SDK1: variants seen among roughly 807,000 people sequenced by gnomAD.
The protein encoded by SDK1 is protein sidekick-1.
SDK1 carries 157 observed loss-of-function variants against 245.5 expected under a neutral mutation model. The ratio of observed to expected loss-of-function variants is 0.64; its 90% CI spans 0.56 to 0.73. SDK1 has a LOEUF of 0.73. SDK1 is among the 30% of genes least tolerant of loss of function. SDK1 has a pLI of 0.00. For missense variants in SDK1, 3,583 were observed against 3,002.3 expected (o/e 1.19, Z -4.52); for synonymous variants, 1,647 against 1,278.5 (o/e 1.29, Z -6.15).
At chr7:3,692,634 T>C (rs1784466934) in intron 4 of SDK1, among the ~76,000 whole-genome samples, 1 of 152,164 alleles carries the variant, frequency 6.6e-6, no homozygotes, top group Non-Finnish European at 1.5e-5. Context: ...ACATGTTTTA[T>C]TTAGTCTACT....
At position 4,267,078 on chromosome 7, in the gene SDK1, A is replaced by G. The variant is rs536476403; in HGVS notation, c.*1694A>G. Reference sequence around the variant, plus strand: ...TTCTGTGCTGTCAGCGTTGCTGAGTATGGCCCCAGGAGACCAAGGAGAGTT... The same window carrying G: ...TTCTGTGCTGTCAGCGTTGCTGAGTGTGGCCCCAGGAGACCAAGGAGAGTT... On this transcript the variant is annotated 3_prime_UTR_variant, in exon 45 of 45. Transcript: ENST00000404826. 31 of 985,464 alleles carry G rather than the reference A, an allele frequency of 3.1e-5. No individual in the cohort carries two copies. In the African/African-American group the frequency reaches 4.7e-4, roughly 15 times the overall value. 61.0% of individuals were successfully genotyped at this position (985,464 alleles called of 1,614,324 possible).
chr7:4,064,909 G>A (rs994827367), intron 19 of SDK1, among the ~76,000 whole-genome samples: 4 of 152,096 alleles, frequency 2.6e-5, no homozygotes, highest in African/African-American at 7.2e-5. Flanking sequence ...GGGGTGTGTC[G>A]GTGGAGCAGG....
At chr7:3,657,334 G>T (rs1293318981) in intron 4 of SDK1, among the ~76,000 whole-genome samples, 2 of 152,198 alleles carry the variant, frequency 1.3e-5, no homozygotes, top group African/African-American at 2.4e-5. Context: ...TTGGCACCCA[G>T]TGTCTACAGG....
chr7:3,924,067 C>T (rs535244938), intron 5 of SDK1, among the ~76,000 whole-genome samples: 1 of 151,134 alleles, frequency 6.6e-6, no homozygotes, highest in East Asian at 1.9e-4. Flanking sequence ...ATGGGAGGCT[C>T]AAATCACCTG....
At chr7:4,233,156 A>G (rs901756006) in intron 40 of SDK1, 99 bp from the exon 41 acceptor site, 30 of 1,154,896 alleles carry the variant, frequency 2.6e-5, no homozygotes, top group Non-Finnish European at 3.6e-5. Flanking sequence ...TGCCTCATCC[A>G]GGGCTGCTGC....
At chr7:4,119,441 C>G (rs1412263192) in intron 25 of SDK1, among the ~76,000 whole-genome samples, 1 of 148,146 alleles carries the variant, frequency 6.8e-6, no homozygotes, top group East Asian at 1.9e-4. Flanking sequence ...GGTGGCAGAG[C>G]AAGACCCTGT....
intron 1 of SDK1, among the ~76,000 whole-genome samples, chr7:3,618,779 A>G (rs1431420941): frequency 6.6e-6 from 1 of 152,374 alleles, no homozygotes; most frequent in South Asian, 2.1e-4. Context: ...GCTTGTATGT[A>G]CAGGGATTGT....
intron 1 of SDK1, among the ~76,000 whole-genome samples, chr7:3,469,394 G>A (rs1175947472): frequency 1.3e-5 from 2 of 152,160 alleles, no homozygotes; most frequent in Non-Finnish European, 2.9e-5. Context: ...TTGTGCCACT[G>A]TACTCCAGCC....
intron 1 of SDK1, among the ~76,000 whole-genome samples, chr7:3,603,168 C>G (rs1251340571): frequency 7.2e-6 from 1 of 139,588 alleles, no homozygotes; most frequent in African/African-American, 2.7e-5. Context: ...GATGCGGGCT[C>G]TTTTTTGGTT....
rs769504161 is a variant in SDK1, at chr7:3,967,357, C to T, written c.1469C>T (p.Thr490Ile). Reference sequence around the variant, plus strand: ...TTCACCCAGCGGCCAGTGGACACCACAGTTACTGACGGGATGACAGCCATT... The same window carrying T: ...TTCACCCAGCGGCCAGTGGACACCATAGTTACTGACGGGATGACAGCCATT... ...PVFTQRPVDTTVTDGMTAILR... is the reference protein window; with the variant it reads ...PVFTQRPVDTIVTDGMTAILR... The change falls in exon 10 of 45, where the codon ACA (threonine) becomes ATA (isoleucine). Residue 490 changes from threonine (T) to isoleucine (I), a missense_variant. By Grantham distance (89) the Thr-to-Ile change is moderately conservative. Transcript: ENST00000404826. 1.2e-5 allele frequency: 20 copies of T among 1,614,150 alleles called. No homozygotes were observed. In the East Asian group the frequency reaches 4.2e-4, roughly 34 times the overall value.
chr7:3,830,676 T>A (rs1779891957), intron 5 of SDK1, among the ~76,000 whole-genome samples: 1 of 152,034 alleles, frequency 6.6e-6, no homozygotes, highest in Non-Finnish European at 1.5e-5. Flanking sequence ...TTAAAAAATT[T>A]TTGTGGAGAC....
intron 17 of SDK1, among the ~76,000 whole-genome samples, chr7:4,028,882 T>C (rs1234885249): frequency 2.0e-5 from 3 of 152,080 alleles, no homozygotes; most frequent in African/African-American, 7.2e-5. Context: ...GGAGAGGAAA[T>C]ACTTGGACGG....
At chr7:3,318,919 G>C (rs552620837) in intron 1 of SDK1, among the ~76,000 whole-genome samples, 47 of 152,294 alleles carry the variant, frequency 3.1e-4, no homozygotes, top group Non-Finnish European at 5.7e-4. Context: ...ATAGAACTGA[G>C]ATTTGGATAC....
At chr7:3,475,297 T>G (rs1358567893) in intron 1 of SDK1, among the ~76,000 whole-genome samples, 2 of 152,170 alleles carry the variant, frequency 1.3e-5, no homozygotes, top group Non-Finnish European at 2.9e-5. Flanking sequence ...AAGTGCTGCT[T>G]CTTGCTCTCT....
At chr7:3,728,926 T>C (rs576527689) in intron 4 of SDK1, among the ~76,000 whole-genome samples, 1 of 152,126 alleles carries the variant, frequency 6.6e-6, no homozygotes, top group Non-Finnish European at 1.5e-5. Flanking sequence ...CTAAGAGACC[T>C]ATCTCTCTAA....
rs568900918 is a variant in SDK1, at chr7:3,321,118, G to A, written c.298+19234G>A. ...CTTATCAACTGAAGGCTCTTGAAAT[G>A]AAAACTACTACATGTATTCATCATA... On this transcript the variant is annotated intron_variant, in intron 1 of 44. Transcript: ENST00000404826. 1.0e-3 allele frequency among the ~76,000 whole-genome samples: 159 copies of A among 152,244 alleles called. 1 individual carries two copies. Among genetic ancestry groups the A allele is most frequent in the African/African-American group, 3.6e-3 (150 of 41,546 alleles).
intron 32 of SDK1, among the ~76,000 whole-genome samples, chr7:4,165,321 T>C (rs1010685864): frequency 4.6e-5 from 7 of 152,072 alleles, no homozygotes; most frequent in Non-Finnish European, 7.4e-5. Context: ...ATGGCACCAT[T>C]GCACTCCAGC....
intron 1 of SDK1, among the ~76,000 whole-genome samples, chr7:3,522,466 C>G (rs1285792889): frequency 6.6e-6 from 1 of 152,130 alleles, no homozygotes; most frequent in African/African-American, 2.4e-5. Flanking sequence ...TAAAATAACT[C>G]ACGTACATGG....
intron 44 of SDK1, among the ~76,000 whole-genome samples, chr7:4,246,019 C>G (rs1786832877): frequency 6.6e-6 from 1 of 152,206 alleles, no homozygotes; most frequent in African/African-American, 2.4e-5. Context: ...TAGCCTCGAG[C>G]AGTCTAGACA....
Sources: gnomAD v4.1 joint callset for allele counts (sites outside exome capture counted in the v4.1 genomes callset) on GRCh38, gnomAD v4.1.1 for gene constraint, MANE v1.5 for transcripts, NCBI Gene and HGNC (gene_info 2026-07-23, HGNC 2026-07-21) for gene names.